The following BCAR3 variants were observed in gnomAD, a reference collection of about 807,000 sequenced individuals.
The protein encoded by BCAR3 is BCAR3 adaptor protein, NSP family member.
A neutral mutation model predicts 80.1 loss-of-function variants in BCAR3; 37 were observed. The ratio of observed to expected loss-of-function variants is 0.46; its 90% CI spans 0.36 to 0.61. BCAR3 has a LOEUF of 0.61. BCAR3 is among the 20% of genes least tolerant of loss of function. The probability of loss-of-function intolerance (pLI) is 0.00; values close to 1 mark genes in which losing one functional copy is unlikely to be tolerated. For synonymous variants in BCAR3, 389 were observed against 418.9 expected (o/e 0.93, Z 0.87); for missense variants, 978 against 1,068.2 (o/e 0.92, Z 1.18).
chr1:93,625,491 C>T (rs962073826), intron 3 of BCAR3, among the ~76,000 whole-genome samples: 3 of 152,130 alleles, frequency 2.0e-5, no homozygotes, highest in Non-Finnish European at 4.4e-5. Flanking sequence ...AATAAGAATC[C>T]GGCTGAAGAC....
intron 2 of BCAR3, among the ~76,000 whole-genome samples, chr1:93,840,209 C>CTCTCTTCTAGGAGATTTCTGCTAGAA (rs1654908253): frequency 6.6e-6 from 1 of 152,180 alleles, no homozygotes; most frequent in Non-Finnish European, 1.5e-5. Flanking sequence ...CTTGCTGATT[C>CTCTCTTCTAGGAGATTTCTGCTAGAA]TCTCCTGATT....
Position 93,589,126 on chromosome 1 carries a change from C to T in BCAR3, c.780G>A (p.Arg260=). 1.2e-6 allele frequency: 2 copies of T among 1,613,206 alleles called. No homozygotes were observed. The highest frequency in any genetic ancestry group is 1.7e-6 in the Non-Finnish European group (2 of 1,179,624). The change falls in exon 5 of 12, where the codon CGG becomes CGA. Residue 260 remains arginine (R), a synonymous_variant. Transcript: ENST00000260502. ...FQPINRTVPL[R]CLEEHYGTSP... The stretch of plus-strand genomic sequence containing the variant: ...AGGTGCCATAATGCTCCTCCAGGCA[C>T]CGCAGAGGCACCGTCCTGTTGATGG...
intron 3 of BCAR3, among the ~76,000 whole-genome samples, chr1:93,612,234 G>A (rs563330123): frequency 5.9e-4 from 90 of 152,220 alleles, no homozygotes; most frequent in African/African-American, 2.0e-3. Context: ...TCCAGTGAGT[G>A]AGCAGCTCAG....
At chr1:93,673,484 A>G (rs1648318306) in intron 2 of BCAR3, among the ~76,000 whole-genome samples, 1 of 152,260 alleles carries the variant, frequency 6.6e-6, no homozygotes, top group South Asian at 2.1e-4. Context: ...TATTGAACAA[A>G]TAAATGAGCT....
At chr1:93,718,303 C>T (rs558413836) in intron 2 of BCAR3, among the ~76,000 whole-genome samples, 1 of 152,202 alleles carries the variant, frequency 6.6e-6, no homozygotes, top group African/African-American at 2.4e-5. Context: ...TCAGACTCTC[C>T]CTAGAAAGAC....
intron 2 of BCAR3, among the ~76,000 whole-genome samples, chr1:93,780,848 T>C (rs967641136): frequency 7.2e-5 from 11 of 152,238 alleles, no homozygotes; most frequent in African/African-American, 2.7e-4. Context: ...CCTTTGCATT[T>C]ACAAAGTACT....
upstream of BCAR3, among the ~76,000 whole-genome samples, chr1:93,683,630 A>G (rs544272038): frequency 6.6e-6 from 1 of 152,382 alleles, no homozygotes; most frequent in African/African-American, 2.4e-5. Context: ...ACACTCAACA[A>G]GATGAGTGAA....
chr1:93,750,667 A>G (rs1651527383), intron 2 of BCAR3, among the ~76,000 whole-genome samples: 1 of 152,180 alleles, frequency 6.6e-6, no homozygotes, highest in Non-Finnish European at 1.5e-5. Flanking sequence ...GCACTGTGTT[A>G]GAAGTCTAAC....
intron 2 of BCAR3, among the ~76,000 whole-genome samples, chr1:93,670,958 A>G (rs1384843656): frequency 6.6e-6 from 1 of 151,948 alleles, no homozygotes; most frequent in African/African-American, 2.4e-5. Flanking sequence ...CTCCGAGAGG[A>G]TGTATTTTCA....
chr1:93,775,201 CGACCAGAG>C (rs1313189745), intron 2 of BCAR3: 1 of 152,186 alleles, frequency 6.6e-6, no homozygotes, highest in East Asian at 1.9e-4. Flanking sequence ...ACTTACCTAA[CGACCAGAG>C]GCAGGTGAAT....
At chr1:93,728,098 G>C (rs568635581) in intron 2 of BCAR3, among the ~76,000 whole-genome samples, 26 of 152,352 alleles carry the variant, frequency 1.7e-4, no homozygotes, top group African/African-American at 6.3e-4. Context: ...TATCCCCACT[G>C]ACACTTTGAT....
At chr1:93,622,089 C>T (rs1203248482) in intron 3 of BCAR3, among the ~76,000 whole-genome samples, 1 of 152,148 alleles carries the variant, frequency 6.6e-6, no homozygotes. Context: ...TTAGTAGAGA[C>T]ACAGTTTCAT....
At chr1:93,568,181 G>T (rs983446013) in intron 9 of BCAR3, 1 of 159,572 alleles carries the variant, frequency 6.3e-6, no homozygotes. Flanking sequence ...GTGAGACCCT[G>T]TCTCAAAAAA....
chr1:93,654,546 C>A (rs1048975618), intron 2 of BCAR3, among the ~76,000 whole-genome samples: 1 of 152,224 alleles, frequency 6.6e-6, no homozygotes, highest in Non-Finnish European at 1.5e-5. Context: ...CTAAGCCAGA[C>A]TTCTGACCTA....
At chr1:93,755,969 G>T (rs1167437590) in intron 2 of BCAR3, among the ~76,000 whole-genome samples, 1 of 152,196 alleles carries the variant, frequency 6.6e-6, no homozygotes, top group African/African-American at 2.4e-5. Flanking sequence ...GCAGGAGCCA[G>T]CTTGCTACTG....
intron 2 of BCAR3, among the ~76,000 whole-genome samples, chr1:93,654,017 G>T (rs540067899): frequency 6.6e-6 from 1 of 152,144 alleles, no homozygotes; most frequent in African/African-American, 2.4e-5. Context: ...CCTTACTCAG[G>T]CTGCTCCCAC....
At chr1:93,833,555 T>C (rs1227860876) in intron 2 of BCAR3, among the ~76,000 whole-genome samples, 1 of 152,184 alleles carries the variant, frequency 6.6e-6, no homozygotes, top group Non-Finnish European at 1.5e-5. Context: ...AGAGCGGTCA[T>C]TTTAGAAGCC....
chr1:93,689,127 G>T (rs1042571987), intron 3 of BCAR3, among the ~76,000 whole-genome samples: 6 of 152,142 alleles, frequency 3.9e-5, no homozygotes, highest in Admixed American at 3.9e-4. Flanking sequence ...CATGGATCTG[G>T]AGTGAGAGAA....
intron 7 of BCAR3, among the ~76,000 whole-genome samples, chr1:93,580,541 T>A (rs1673661581): frequency 6.6e-6 from 1 of 150,780 alleles, no homozygotes; most frequent in Admixed American, 6.6e-5. Flanking sequence ...TGCATTGGTA[T>A]GAAACATGTA....
Sources: allele counts gnomAD v4.1 joint callset (sites outside exome capture counted in the v4.1 genomes callset), GRCh38; gene constraint gnomAD v4.1.1; transcripts MANE v1.5; gene names NCBI Gene and HGNC (gene_info 2026-07-23, HGNC 2026-07-21).